The following NSUN6 variants were observed in gnomAD, a reference collection of about 807,000 sequenced individuals.
The protein encoded by NSUN6 is tRNA (cytosine(72)-C(5))-methyltransferase NSUN6.
Under a neutral mutation model 58.0 loss-of-function variants are expected in NSUN6, and 64 were observed. That is an observed-to-expected ratio of 1.10 (90% CI 0.90 to 1.36). The LOEUF (loss-of-function observed/expected upper bound fraction) is 1.36, where lower values mean the gene tolerates loss of function less well. Ranked by LOEUF, NSUN6 falls within the 40% of genes most tolerant of loss-of-function variation. The pLI, the probability that NSUN6 is intolerant of heterozygous loss-of-function variation, is 0.00. For synonymous variants in NSUN6, 231 were observed against 193.9 expected (o/e 1.19, Z -1.59); for missense variants, 701 against 550.1 (o/e 1.27, Z -2.74).
At chr10:18,603,732 C>T (rs1483656162) in intron 6 of NSUN6, among the ~76,000 whole-genome samples, 1 of 152,162 alleles carries the variant, frequency 6.6e-6, no homozygotes, top group Non-Finnish European at 1.5e-5. Context: ...CCACCTCAGC[C>T]TCCCAAACTG....
intron 7 of NSUN6, 138 bp from the exon 8 acceptor site, chr10:18,586,231 A>G (rs1335420831): frequency 4.5e-6 from 3 of 660,810 alleles, no homozygotes; most frequent in Non-Finnish European, 7.3e-6. Flanking sequence ...TAAAACCTCT[A>G]TCCATTAACC....
chr10:18,658,642 C>G, upstream of NSUN6: 1 of 980,470 alleles, frequency 1.0e-6, no homozygotes, highest in Non-Finnish European at 1.2e-6. Context: ...TTATTAATCA[C>G]ATAACTGAAC....
chr10:18,573,052 C>G (rs12266613), intron 8 of NSUN6, among the ~76,000 whole-genome samples: 3,949 of 151,084 alleles, frequency 0.026, 172 homozygotes, highest in African/African-American at 0.09. Flanking sequence ...ATTCTCCATT[C>G]TCTTCTCCAT....
At chr10:18,592,656 CT>C (rs1253327251) in intron 7 of NSUN6, among the ~76,000 whole-genome samples, 2 of 152,304 alleles carry the variant, frequency 1.3e-5, no homozygotes, top group African/African-American at 4.8e-5. Flanking sequence ...GGAAAACTGG[CT>C]GTCCATATGC....
At chr10:18,555,108 A>C (rs1055904887) in intron 8 of NSUN6, among the ~76,000 whole-genome samples, 5 of 150,100 alleles carry the variant, frequency 3.3e-5, no homozygotes, top group African/African-American at 4.9e-5. Context: ...GGAGTGAAGA[A>C]TGGCATGAAA....
chr10:18,626,394 G>A (rs1372976792), intron 3 of NSUN6, among the ~76,000 whole-genome samples: 1 of 152,012 alleles, frequency 6.6e-6, no homozygotes, highest in Non-Finnish European at 1.5e-5. Context: ...TAAAAAAACA[G>A]TAAATACAAA....
Position 18,651,407 on chromosome 10 carries a change from C to T in NSUN6, c.-204G>A, listed in dbSNP as rs2059702137. ...ATTAGAAGGGGCTGCCGGGCTTCCA[C>T]CACACCTCATCGAGGCAATGTTTTC... On this transcript the variant is annotated 5_prime_UTR_variant, in exon 1 of 11. In the 5' UTR this introduces an upstream ATG that the reference lacks. Coordinates refer to ENST00000377304, the MANE Select transcript of NSUN6 (RefSeq NM_182543.5). 2.4e-6 allele frequency: 3 copies of T among 1,271,942 alleles called. No homozygotes were observed. The highest frequency in any genetic ancestry group is 2.5e-5 in the South Asian group (1 of 39,780). 78.8% of individuals were successfully genotyped at this position (1,271,942 alleles called of 1,614,324 possible). A position where few individuals can be genotyped will look rare whatever the true frequency, so the allele number is the denominator to read the frequency against.
At chr10:18,564,569 T>C (rs1188591248) in intron 8 of NSUN6, among the ~76,000 whole-genome samples, 1 of 151,156 alleles carries the variant, frequency 6.6e-6, no homozygotes, top group Non-Finnish European at 1.5e-5. Flanking sequence ...CTCTATTCCA[T>C]TCTCCACTTC....
At chr10:18,559,012 G>A (rs1313044615) in intron 8 of NSUN6, among the ~76,000 whole-genome samples, 2 of 151,174 alleles carry the variant, frequency 1.3e-5, no homozygotes, top group Non-Finnish European at 3.0e-5. Flanking sequence ...AAAATGGAAT[G>A]AAATGCAATG....
At chr10:18,546,946 G>C (rs2054304450) in intron 10 of NSUN6, among the ~76,000 whole-genome samples, 1 of 150,882 alleles carries the variant, frequency 6.6e-6, no homozygotes. Context: ...AGAAGAAAAA[G>C]AAAAAGAAAA....
At chr10:18,642,644 C>T in intron 2 of NSUN6, 89 bp from the exon 3 acceptor site, 2 of 685,914 alleles carry the variant, frequency 2.9e-6, no homozygotes, top group Non-Finnish European at 5.2e-6. Flanking sequence ...TCTACCACAG[C>T]ATGAAGCCCT....
chr10:18,608,986 C>T (rs1295944032), intron 6 of NSUN6, among the ~76,000 whole-genome samples: 1 of 151,944 alleles, frequency 6.6e-6, no homozygotes, highest in African/African-American at 2.4e-5. Flanking sequence ...AGAAATAATC[C>T]CTGAATTCAT....
intron 8 of NSUN6, among the ~76,000 whole-genome samples, chr10:18,554,413 G>C (rs937465094): frequency 1.4e-4 from 21 of 150,950 alleles, no homozygotes; most frequent in African/African-American, 5.1e-4. Flanking sequence ...GAATGGAATA[G>C]AGAATGGAAT....
Position 18,545,944 on chromosome 10 carries a change from T to G in NSUN6, c.1399A>C (p.Lys467Gln). 7 of 1,568,316 alleles carry G rather than the reference T, an allele frequency of 4.5e-6. No individual in the cohort carries two copies. Among genetic ancestry groups the G allele is most frequent in the Non-Finnish European group, 5.2e-6 (6 of 1,153,476 alleles). ...CATCCATCCCTCTCCTATGTGCTTT[T>G]GCATTTTACAAATTTTGCAATAAAA... ...GFFIAKFVKC[K>Q]ST Residue 467 changes from lysine to glutamine, a missense_variant, in exon 11 of 11, where the codon AAA (lysine) becomes CAA (glutamine). Transcript: ENST00000377304.
At chr10:18,652,300 T>A (rs1015139737), upstream of NSUN6, 10 of 984,644 alleles carry the variant, frequency 1.0e-5, no homozygotes, top group South Asian at 3.8e-4. Context: ...CACTGAGTCA[T>A]TTTATAACTG....
At chr10:18,558,725 A>AATGGAATGGAGG (rs1479577991) in intron 8 of NSUN6, among the ~76,000 whole-genome samples, 2 of 149,152 alleles carry the variant, frequency 1.3e-5, no homozygotes, top group Non-Finnish European at 3.0e-5. Context: ...AGTGGAATGA[A>AATGGAATGGAGG]ATGGAATGGA....
chr10:18,560,976 G>C (rs2055457050), intron 8 of NSUN6, among the ~76,000 whole-genome samples: 1 of 150,630 alleles, frequency 6.6e-6, no homozygotes, highest in Non-Finnish European at 1.5e-5. Context: ...TGCAGTGATG[G>C]AGAATGGTAT....
At chr10:18,570,200 C>G (rs2130963924) in intron 8 of NSUN6, among the ~76,000 whole-genome samples, 1 of 151,174 alleles carries the variant, frequency 6.6e-6, no homozygotes, top group African/African-American at 2.4e-5. Flanking sequence ...ATTCCATTCT[C>G]CATTCATGTC....
At chr10:18,646,356 T>G (rs2059546550) in intron 2 of NSUN6, among the ~76,000 whole-genome samples, 1 of 152,136 alleles carries the variant, frequency 6.6e-6, no homozygotes, top group Non-Finnish European at 1.5e-5. Flanking sequence ...CAAGTACACT[T>G]TCTTACTAGA....
Sources: gnomAD v4.1 joint callset for allele counts (sites outside exome capture counted in the v4.1 genomes callset) on GRCh38, gnomAD v4.1.1 for gene constraint, MANE v1.5 for transcripts, NCBI Gene and HGNC (gene_info 2026-07-23, HGNC 2026-07-21) for gene names.